Variants in ZFAT observed in about 807,000 individuals in gnomAD.
ZFAT encodes the protein zinc finger and AT-hook domain containing, also known as zinc finger protein ZFAT.
ZFAT carries 64 observed loss-of-function variants against 117.7 expected under a neutral mutation model. That is an observed-to-expected ratio of 0.54 (90% confidence interval 0.44 to 0.67). ZFAT has a LOEUF of 0.67. ZFAT is among the 30% of genes least tolerant of loss of function. ZFAT has a pLI of 0.00. For missense variants in ZFAT, 1,433 were observed against 1,584.5 expected (o/e 0.90, Z 1.62); for synonymous variants, 679 against 615.0 (o/e 1.10, Z -1.54).
At chr8:134,726,147 A>T in the ZFAT span, among the ~76,000 whole-genome samples, 3 of 152,016 alleles carry the variant, frequency 2.0e-5, no homozygotes, top group African/African-American at 7.3e-5. Context: ...CTTGCTTCTC[A>T]AAGGAAAGAA....
At chr8:134,489,566 C>A (rs1335093655) in intron 15 of ZFAT, among the ~76,000 whole-genome samples, 1 of 152,172 alleles carries the variant, frequency 6.6e-6, no homozygotes, top group African/African-American at 2.4e-5. Flanking sequence ...TCTGGCTGTT[C>A]TCTCTCCATC....
At chr8:134,744,623 GCTTTCTA>G in the ZFAT span, among the ~76,000 whole-genome samples, 1 of 151,430 alleles carries the variant, frequency 6.6e-6, no homozygotes, top group East Asian at 1.9e-4. Flanking sequence ...TTGTCACATT[GCTTTCTA>G]CACAGGCCCC....
chr8:134,731,275 G>A, the ZFAT span, among the ~76,000 whole-genome samples: 6 of 152,040 alleles, frequency 3.9e-5, no homozygotes, highest in South Asian at 2.1e-4. Context: ...TGTATTTTTC[G>A]CCAAACACAT....
intron 11 of ZFAT, 182 bp downstream of exon 11, chr8:134,565,151 T>C: frequency 6.5e-7 from 1 of 1,529,712 alleles, no homozygotes; most frequent in Non-Finnish European, 8.8e-7. Context: ...AATGCTACGC[T>C]TCTGGAACGA....
rs186037336 is a variant in ZFAT, at chr8:134,643,132, C to T, written c.197-5420G>A. On this transcript the variant is annotated intron_variant, in intron 2 of 15. Coordinates refer to ENST00000377838, the MANE Select transcript of ZFAT (RefSeq NM_020863.4). ...TTCACATGCACGTCCTCATTTAATC[C>T]CCAAGGGAGGCATTAGTATGATCCC... 3.5e-4 allele frequency among the ~76,000 whole-genome samples: 53 copies of T among 152,278 alleles called. 1 individual carries two copies. The highest frequency in any genetic ancestry group is 3.3e-3 in the Admixed American group (50 of 15,290).
At chr8:134,816,168 A>T in the ZFAT span, among the ~76,000 whole-genome samples, 25 of 152,224 alleles carry the variant, frequency 1.6e-4, no homozygotes, top group African/African-American at 5.8e-4. Flanking sequence ...CAGGAGGTGG[A>T]TATTACTCTA....
At position 134,602,672 on chromosome 8, in the gene ZFAT, G is replaced by A; in HGVS notation, c.1047C>T (p.His349=). ...GHLKVHIERV[H]KKIKQHCRFC... Reference sequence around the variant, plus strand: ...AGCGGCAGTGCTGCTTGATCTTCTTGTGCACTCGCTCGATGTGCACCTTGA... The same window carrying A: ...AGCGGCAGTGCTGCTTGATCTTCTTATGCACTCGCTCGATGTGCACCTTGA... The change falls in exon 6 of 16, where the codon CAC becomes CAT. Residue 349 remains histidine, a synonymous_variant. Coordinates refer to ENST00000377838, the MANE Select transcript of ZFAT (RefSeq NM_020863.4). 1 of 1,614,192 alleles carries A rather than the reference G, an allele frequency of 6.2e-7. No homozygotes were observed. The highest frequency in any genetic ancestry group is 8.5e-7 in the Non-Finnish European group (1 of 1,180,048).
chr8:134,642,906 T>C (rs1236092947), intron 2 of ZFAT, among the ~76,000 whole-genome samples: 3 of 152,224 alleles, frequency 2.0e-5, no homozygotes, highest in Non-Finnish European at 2.9e-5. Flanking sequence ...AACACAAGCC[T>C]CTTAGGTTTA....
At chr8:134,565,021 T>A (rs143108356) in intron 11 of ZFAT, 2 of 1,319,542 alleles carry the variant, frequency 1.5e-6, no homozygotes, top group African/African-American at 3.0e-5. Flanking sequence ...CAAAAATACG[T>A]GTCCCTAAAG....
At chr8:134,571,922 A>G (rs1294775209) in intron 10 of ZFAT, among the ~76,000 whole-genome samples, 1 of 152,268 alleles carries the variant, frequency 6.6e-6, no homozygotes, top group African/African-American at 2.4e-5. Flanking sequence ...GCAATGCACA[A>G]TTAAAACCAC....
At chr8:134,742,707 C>T in the ZFAT span, among the ~76,000 whole-genome samples, 1 of 152,218 alleles carries the variant, frequency 6.6e-6, no homozygotes, top group African/African-American at 2.4e-5. Flanking sequence ...CCTGTGCTCC[C>T]TTCCCTCTCT....
At chr8:134,790,541 G>C in the ZFAT span, among the ~76,000 whole-genome samples, 44 of 152,166 alleles carry the variant, frequency 2.9e-4, no homozygotes, top group Admixed American at 2.9e-3. Flanking sequence ...AAAAACTTCA[G>C]TGCGTACCAT....
At chr8:134,820,921 C>CATGCCATCT in the ZFAT span, among the ~76,000 whole-genome samples, 1 of 152,308 alleles carries the variant, frequency 6.6e-6, no homozygotes, top group African/African-American at 2.4e-5. Flanking sequence ...ACCAGCACCA[C>CATGCCATCT]ATGGTGCCTA....
At chr8:134,750,620 G>C in the ZFAT span, among the ~76,000 whole-genome samples, 5 of 152,090 alleles carry the variant, frequency 3.3e-5, no homozygotes, top group African/African-American at 1.2e-4. Flanking sequence ...AATATGTAAA[G>C]CTGGGCATGT....
At chr8:134,541,896 T>C (rs1291961727) in intron 11 of ZFAT, among the ~76,000 whole-genome samples, 1 of 152,152 alleles carries the variant, frequency 6.6e-6, no homozygotes, top group East Asian at 1.9e-4. Flanking sequence ...GAACTGGAGG[T>C]GGCTGGCGCC....
chr8:134,740,228 G>T, the ZFAT span, among the ~76,000 whole-genome samples: 9 of 152,196 alleles, frequency 5.9e-5, no homozygotes, highest in Admixed American at 5.9e-4. Context: ...AAGAGTGAGT[G>T]AGGTAGAATT....
rs543072904 is a variant in ZFAT, at chr8:134,621,312, T to C, written c.449-10657A>G. ...TGCCTGTCTAGTATTTTCCCTTTAG[T>C]CAATATCACAGAAGGGAGATCAACT... On this transcript the variant is annotated intron_variant, in intron 3 of 15. Transcript: ENST00000377838. Among the ~76,000 whole-genome samples, 5 of 152,080 alleles carry C rather than the reference T, an allele frequency of 3.3e-5. 1 individual carries two copies. The highest frequency in any genetic ancestry group is 7.2e-5 in the African/African-American group (3 of 41,456).
At chr8:134,605,243 C>T (rs571685329) in intron 5 of ZFAT, among the ~76,000 whole-genome samples, 52 of 152,288 alleles carry the variant, frequency 3.4e-4, no homozygotes, top group Admixed American at 1.0e-3. Context: ...GTACTCTCAC[C>T]ACTGCTTTTA....
chr8:134,704,375 T>G (rs1834093481), intron 1 of ZFAT, among the ~76,000 whole-genome samples: 1 of 152,224 alleles, frequency 6.6e-6, no homozygotes, highest in South Asian at 2.1e-4. Context: ...GAGCCTGTTA[T>G]GTTCACCATT....
Sources: allele counts gnomAD v4.1 joint callset (sites outside exome capture counted in the v4.1 genomes callset), GRCh38; gene constraint gnomAD v4.1.1; transcripts MANE v1.5; gene names NCBI Gene and HGNC (gene_info 2026-07-23, HGNC 2026-07-21).